Variants in NPAS3 observed in about 807,000 individuals in gnomAD.
NPAS3 encodes the protein neuronal PAS domain protein 3, also known as neuronal PAS domain-containing protein 3.
NPAS3 carries 14 observed loss-of-function variants against 73.1 expected under a neutral mutation model. That is an observed-to-expected ratio of 0.19 (90% CI 0.13 to 0.30). The LOEUF is 0.30. Among genes scored for constraint, NPAS3 ranks in the 10% least tolerant of loss-of-function variants. NPAS3 has a pLI of 1.00. For synonymous variants in NPAS3, 620 were observed against 541.5 expected (o/e 1.14, Z -2.01); for missense variants, 1,096 against 1,250.0 (o/e 0.88, Z 1.86).
chr14:33,326,163 T>C (rs1263509464), intron 3 of NPAS3, among the ~76,000 whole-genome samples: 1 of 151,440 alleles, frequency 6.6e-6, no homozygotes, highest in Non-Finnish European at 1.5e-5. Context: ...GAAGAGAGAG[T>C]GAGAAACAAT....
chr14:33,031,074 A>G (rs1487992323), intron 1 of NPAS3, among the ~76,000 whole-genome samples: 2 of 152,194 alleles, frequency 1.3e-5, no homozygotes, highest in Non-Finnish European at 2.9e-5. Flanking sequence ...TAGTCAACTT[A>G]TACATGCAGG....
chr14:32,976,872 C>T (rs2037700027), intron 1 of NPAS3, among the ~76,000 whole-genome samples: 1 of 152,166 alleles, frequency 6.6e-6, no homozygotes, highest in African/African-American at 2.4e-5. Context: ...CTGGCCCTCG[C>T]TTCAGCTGTG....
chr14:33,786,972 G>A (rs1321625115), intron 9 of NPAS3, among the ~76,000 whole-genome samples: 2 of 152,060 alleles, frequency 1.3e-5, no homozygotes, highest in African/African-American at 4.8e-5. Flanking sequence ...ATCCACCATT[G>A]TCCTCAGTTC....
intron 3 of NPAS3, among the ~76,000 whole-genome samples, chr14:33,261,900 G>A (rs561937943): frequency 3.2e-4 from 49 of 152,286 alleles, no homozygotes; most frequent in African/African-American, 1.1e-3. Flanking sequence ...TGAGGAGTCT[G>A]TGCTTGCCTT....
At chr14:33,732,717 G>T (rs934000740) in intron 6 of NPAS3, among the ~76,000 whole-genome samples, 1 of 152,128 alleles carries the variant, frequency 6.6e-6, no homozygotes, top group Non-Finnish European at 1.5e-5. Context: ...AGGCAAAACC[G>T]ACCTTAACAC....
At chr14:33,052,453 G>C (rs973351093) in intron 1 of NPAS3, among the ~76,000 whole-genome samples, 2 of 152,110 alleles carry the variant, frequency 1.3e-5, no homozygotes, top group African/African-American at 4.8e-5. Flanking sequence ...GTAAATATTA[G>C]ATATACTCAT....
chr14:33,295,753 C>T (rs978008273), intron 3 of NPAS3, among the ~76,000 whole-genome samples: 1 of 152,136 alleles, frequency 6.6e-6, no homozygotes, highest in Non-Finnish European at 1.5e-5. Context: ...TATATCGGTT[C>T]AAACATTTCT....
chr14:33,045,815 G>A (rs904739024), intron 1 of NPAS3, among the ~76,000 whole-genome samples: 3 of 152,124 alleles, frequency 2.0e-5, no homozygotes, highest in Non-Finnish European at 4.4e-5. Context: ...TATAGGGAAG[G>A]TACATTTATT....
At chr14:33,739,719 A>G (rs1177148860) in intron 7 of NPAS3, among the ~76,000 whole-genome samples, 2 of 152,166 alleles carry the variant, frequency 1.3e-5, no homozygotes, top group Non-Finnish European at 2.9e-5. Context: ...CATTTTATCC[A>G]TTGATTGCAG....
chr14:33,049,403 G>A (rs1010438547), intron 1 of NPAS3, among the ~76,000 whole-genome samples: 2 of 152,182 alleles, frequency 1.3e-5, no homozygotes, highest in South Asian at 2.1e-4. Context: ...AAAGGAAGGA[G>A]GTTTAATGGA....
chr14:33,520,143 A>G (rs2053492365), intron 4 of NPAS3, among the ~76,000 whole-genome samples: 1 of 152,102 alleles, frequency 6.6e-6, no homozygotes, highest in Non-Finnish European at 1.5e-5. Flanking sequence ...GTTTTGAAGG[A>G]TATTGGGTCG....
rs78764552 is a variant in NPAS3 at position 33,026,197 on chromosome 14, C to T, written c.51-29708C>T. On this transcript the variant is annotated intron_variant, in intron 1 of 11. Transcript: ENST00000356141. The stretch of plus-strand genomic sequence containing the variant: ...CCATGCAAAAACATAGCGTGTCCTC[C>T]CATAGCTAGTCTTCTGGCTGGCCCC... Among the ~76,000 whole-genome samples the T allele has an allele frequency of 2.9e-3, 445 of 152,262 alleles. 4 individuals carry two copies. Among genetic ancestry groups the T allele is most frequent in the African/African-American group, 0.01 (420 of 41,536 alleles).
At chr14:33,526,756 C>A (rs1027125104) in intron 4 of NPAS3, among the ~76,000 whole-genome samples, 4 of 152,060 alleles carry the variant, frequency 2.6e-5, no homozygotes, top group Non-Finnish European at 4.4e-5. Context: ...CAGAATTTAG[C>A]CTCGGCAGAG....
intron 1 of NPAS3, among the ~76,000 whole-genome samples, chr14:32,994,272 A>G (rs117731699): frequency 2.4e-3 from 365 of 152,330 alleles, no homozygotes; most frequent in Non-Finnish European, 4.5e-3. Context: ...TGGGCATTCT[A>G]TGGTACTTCA....
At chr14:33,376,626 G>A (rs8018676) in intron 4 of NPAS3, among the ~76,000 whole-genome samples, 5 of 152,180 alleles carry the variant, frequency 3.3e-5, no homozygotes, top group Non-Finnish European at 7.3e-5. Flanking sequence ...CGTGTTAGAA[G>A]CTTAGTTTGT....
chr14:33,231,012 A>G (rs941891609), intron 3 of NPAS3, among the ~76,000 whole-genome samples: 1 of 152,220 alleles, frequency 6.6e-6, no homozygotes, highest in Non-Finnish European at 1.5e-5. Flanking sequence ...ATAGTCATTC[A>G]GGTGACCTGC....
At chr14:33,086,390 T>C (rs2042026762) in intron 2 of NPAS3, among the ~76,000 whole-genome samples, 1 of 152,150 alleles carries the variant, frequency 6.6e-6, no homozygotes. Flanking sequence ...AGTTTATTTA[T>C]ATAAGATTAT....
intron 2 of NPAS3, among the ~76,000 whole-genome samples, chr14:33,201,567 A>G (rs947493011): frequency 1.3e-5 from 2 of 152,226 alleles, no homozygotes; most frequent in African/African-American, 4.8e-5. Flanking sequence ...GAGAAAAGAT[A>G]GGTATATTTA....
At chr14:33,044,456 A>C (rs2040438447) in intron 1 of NPAS3, among the ~76,000 whole-genome samples, 1 of 152,138 alleles carries the variant, frequency 6.6e-6, no homozygotes, top group South Asian at 2.1e-4. Context: ...ACATTGCATG[A>C]TTAGTGTGGA....
Sources: allele counts gnomAD v4.1 joint callset (sites outside exome capture counted in the v4.1 genomes callset), GRCh38; gene constraint gnomAD v4.1.1; transcripts MANE v1.5; gene names NCBI Gene and HGNC (gene_info 2026-07-23, HGNC 2026-07-21).